Variants in UNC79 observed in about 807,000 individuals in gnomAD.
UNC79 encodes protein unc-79 homolog.
In UNC79, 37 loss-of-function variants were observed where a neutral mutation model predicts 283.1. The observed-to-expected ratio is 0.13, with a 90% CI of 0.10 to 0.17. UNC79 has a LOEUF of 0.17. Ranked by LOEUF, UNC79 falls within the 10% of genes least tolerant of loss-of-function variation. UNC79 has a pLI of 1.00. For synonymous variants in UNC79, 1,107 were observed against 1,200.2 expected, an observed-to-expected ratio of 0.92 and a Z score of 1.61; for missense variants, 2,272 against 3,211.1, an observed-to-expected ratio of 0.71 and a Z score of 7.07.
chr14:93,549,254 C>A (rs1298739150), intron 14 of UNC79, among the ~76,000 whole-genome samples: 2 of 152,164 alleles, frequency 1.3e-5, no homozygotes, highest in Non-Finnish European at 2.9e-5. Flanking sequence ...TTATAAAACA[C>A]AATTACTGTT....
intron 25 of UNC79, among the ~76,000 whole-genome samples, chr14:93,601,400 A>G (rs560759058): frequency 6.6e-6 from 1 of 152,262 alleles, no homozygotes; most frequent in East Asian, 1.9e-4. Flanking sequence ...ATGTTCTCCA[A>G]CTCCATCCAG....
chr14:93,477,829 AT>A, intron 4 of UNC79, 101 bp downstream of exon 4: 7 of 1,083,200 alleles, frequency 6.5e-6, no homozygotes, highest in Non-Finnish European at 9.3e-6. Context: ...TTATAATGGA[AT>A]CACTTGATAT....
At position 93,432,920 on chromosome 14, in the gene UNC79, G is replaced by C. The variant is rs570196007; in HGVS notation, c.22+1869G>C. 5.7e-3 allele frequency among the ~76,000 whole-genome samples: 875 copies of C among 152,246 alleles called. 5 individuals carry two copies. Among genetic ancestry groups the C allele is most frequent in the African/African-American group, 0.02 (822 of 41,548 alleles). On this transcript the variant is annotated intron_variant, in intron 1 of 48. Coordinates refer to ENST00000555664, the Ensembl canonical transcript of UNC79. ...CTCTTCCTTGTTACATTTTGAAATG[G>C]ACTGGATGCTTTGTCTTGTCTCTTT...
intron 26 of UNC79, among the ~76,000 whole-genome samples, chr14:93,610,137 G>A (rs59127075): frequency 0.02 from 3,064 of 150,808 alleles, 104 homozygotes; most frequent in African/African-American, 0.073. Context: ...TGAGAAGAAG[G>A]GTTTTTAAAT....
intron 1 of UNC79, among the ~76,000 whole-genome samples, chr14:93,407,397 T>A (rs1297675717): frequency 6.6e-6 from 1 of 152,184 alleles, no homozygotes; most frequent in Non-Finnish European, 1.5e-5. Flanking sequence ...AGGCTGAGTG[T>A]GGACTAACTT....
At chr14:93,380,831 A>G (rs1362425503) in intron 1 of UNC79, among the ~76,000 whole-genome samples, 2 of 152,240 alleles carry the variant, frequency 1.3e-5, no homozygotes, top group African/African-American at 2.4e-5. Flanking sequence ...ATTGTAATAT[A>G]TAGCCACACT....
chr14:93,403,144 T>C (rs981728079), intron 1 of UNC79, among the ~76,000 whole-genome samples: 4 of 151,876 alleles, frequency 2.6e-5, no homozygotes, highest in Non-Finnish European at 4.4e-5. Context: ...GAGAGGGGGG[T>C]AGAGGAATAG....
chr14:93,420,805 C>G (rs80158713), intron 1 of UNC79, among the ~76,000 whole-genome samples: 1 of 151,652 alleles, frequency 6.6e-6, no homozygotes, highest in Non-Finnish European at 1.5e-5. Context: ...ACAAGAGGAA[C>G]TTTGGAAACT....
intron 40 of UNC79, among the ~76,000 whole-genome samples, chr14:93,668,758 T>C (rs8018280): frequency 0.72 from 108,539 of 150,750 alleles, 39,662 homozygotes; most frequent in African/African-American, 0.8. Context: ...GTGGGAGAAT[T>C]GCTTAGCCCC....
chr14:93,349,551 T>A (rs572139117), intron 1 of UNC79, among the ~76,000 whole-genome samples: 2 of 152,294 alleles, frequency 1.3e-5, no homozygotes, highest in African/African-American at 4.8e-5. Flanking sequence ...GATTTCCCAA[T>A]AACAAAACTT....
chr14:93,543,401 A>G (rs910004332), intron 14 of UNC79, among the ~76,000 whole-genome samples: 4 of 147,538 alleles, frequency 2.7e-5, no homozygotes, highest in Non-Finnish European at 3.0e-5. Context: ...TTTTTTTGAG[A>G]CAGGGTCTCA....
At chr14:93,497,680 G>C (rs1215912352) in intron 7 of UNC79, among the ~76,000 whole-genome samples, 1 of 152,130 alleles carries the variant, frequency 6.6e-6, no homozygotes, top group Non-Finnish European at 1.5e-5. Flanking sequence ...ACCAGCTCAT[G>C]CACTAAATAA....
intron 1 of UNC79, among the ~76,000 whole-genome samples, chr14:93,338,894 GT>G (rs1289723182): frequency 1.3e-5 from 2 of 152,142 alleles, no homozygotes; most frequent in African/African-American, 2.4e-5. Flanking sequence ...GGGTGACAGA[GT>G]AAGACCGTCT....
chr14:93,467,628 C>CTTT lies in UNC79; in HGVS notation c.23-15_23-13dup, dbSNP rs398026224. 137 of 762,642 alleles carry CTTT rather than the reference C, an allele frequency of 1.8e-4. 31 individuals are homozygous for CTTT. The highest frequency in any genetic ancestry group is 4.3e-4 in the African/African-American group (8 of 18,820). 47.2% of individuals were successfully genotyped at this position (762,642 alleles called of 1,614,324 possible). A position where few individuals can be genotyped will look rare whatever the true frequency, so the allele number is the denominator to read the frequency against. On this transcript the variant is annotated intron_variant, in intron 1 of 48. Transcript: ENST00000555664. Reference sequence around the variant, plus strand: ...ATTCTTCTCTTTCTTTTTCTTCTTCCTTTTTTTTTTTTTTTTTTTTTTTTT... The same window carrying CTTT: ...ATTCTTCTCTTTCTTTTTCTTCTTCCTTTTTTTTTTTTTTTTTTTTTTTTTTTT...
chr14:93,571,444 C>T (rs1224147249), intron 14 of UNC79, among the ~76,000 whole-genome samples: 1 of 152,148 alleles, frequency 6.6e-6, no homozygotes, highest in African/African-American at 2.4e-5. Flanking sequence ...CTGTGTACTA[C>T]CGTATTTCCT....
At chr14:93,421,974 ACT>A (rs2055610504) in intron 1 of UNC79, among the ~76,000 whole-genome samples, 2 of 151,764 alleles carry the variant, frequency 1.3e-5, no homozygotes, top group African/African-American at 4.8e-5. Flanking sequence ...CATGATAAAA[ACT>A]CTTATAAAAC....
chr14:93,660,563 A>ATATATGTGTGTG (rs1203621990), intron 39 of UNC79, among the ~76,000 whole-genome samples: 151 of 64,702 alleles, frequency 2.3e-3, no homozygotes, highest in Non-Finnish European at 3.7e-3. Flanking sequence ...ATATATATAT[A>ATATATGTGTGTG]TGTGTGTGTG....
chr14:93,440,510 T>G (rs1209152377), intron 1 of UNC79, among the ~76,000 whole-genome samples: 1 of 151,806 alleles, frequency 6.6e-6, no homozygotes, highest in Non-Finnish European at 1.5e-5. Flanking sequence ...TCCTCTAGCT[T>G]TTTGAGTTGG....
At chr14:93,479,619 C>CCTCT (rs1000571473) in intron 4 of UNC79, among the ~76,000 whole-genome samples, 6 of 150,620 alleles carry the variant, frequency 4.0e-5, no homozygotes, top group East Asian at 3.9e-4. Flanking sequence ...TTCCTCCCTT[C>CCTCT]CTCTCTCTCT....
Sources: allele counts gnomAD v4.1 joint callset (sites outside exome capture counted in the v4.1 genomes callset), GRCh38; gene constraint gnomAD v4.1.1; transcripts MANE v1.5; gene names NCBI Gene and HGNC (gene_info 2026-07-23, HGNC 2026-07-21).